Variants in RAB40B observed in about 807,000 individuals in gnomAD.
RAB40B encodes the protein RAB40B, member RAS oncogene family.
A neutral mutation model predicts 24.0 loss-of-function variants in RAB40B; 21 were observed. That is an observed-to-expected ratio of 0.88 (90% CI 0.62 to 1.26). RAB40B has a LOEUF of 1.26. RAB40B is among the 50% of genes most tolerant of loss of function. The pLI is 0.00. For synonymous variants in RAB40B, 167 were observed against 169.8 expected (o/e 0.98, Z 0.13); for missense variants, 348 against 390.5 (o/e 0.89, Z 0.92).
At chr17:82,658,260 T>C in intron 5 of RAB40B, 126 bp from the exon 6 acceptor site, 1 of 1,332,804 alleles carries the variant, frequency 7.5e-7, no homozygotes, top group Non-Finnish European at 1.0e-6. Flanking sequence ...GGCTTGTACA[T>C]GCAGCAAGCC....
intron 3 of RAB40B, among the ~76,000 whole-genome samples, chr17:82,660,240 CAT>C (rs1240243269): frequency 6.6e-6 from 1 of 151,080 alleles, no homozygotes; most frequent in African/African-American, 2.4e-5. Flanking sequence ...ACACGCAGTT[CAT>C]GTGTGCACAT....
At chr17:82,670,334 G>A (rs1483660729) in intron 1 of RAB40B, among the ~76,000 whole-genome samples, 1 of 151,644 alleles carries the variant, frequency 6.6e-6, no homozygotes, top group Non-Finnish European at 1.5e-5. Flanking sequence ...ACAGGCACAC[G>A]CCAGCAAGCC....
intron 1 of RAB40B, among the ~76,000 whole-genome samples, chr17:82,679,163 G>A (rs550697426): frequency 3.3e-5 from 5 of 151,880 alleles, no homozygotes; most frequent in African/African-American, 1.2e-4. Flanking sequence ...GATGACAGGC[G>A]TGAACCACTG....
chr17:82,677,981 G>A (rs1188341215), intron 1 of RAB40B, among the ~76,000 whole-genome samples: 3 of 152,128 alleles, frequency 2.0e-5, no homozygotes, highest in African/African-American at 7.2e-5. Flanking sequence ...ACCCTCTAAC[G>A]CAGCCATGTC....
intron 1 of RAB40B, among the ~76,000 whole-genome samples, chr17:82,681,047 A>AG (rs2046444864): frequency 6.9e-6 from 1 of 144,456 alleles, no homozygotes; most frequent in Non-Finnish European, 1.5e-5. Context: ...AAAAAAAAAA[A>AG]AAAGAAAGAG....
At chr17:82,671,021 AGATT>A (rs1282501286) in intron 1 of RAB40B, among the ~76,000 whole-genome samples, 1 of 151,962 alleles carries the variant, frequency 6.6e-6, no homozygotes, top group Non-Finnish European at 1.5e-5. Context: ...ATGCATCTCC[AGATT>A]GATGAAGAAC....
intron 1 of RAB40B, among the ~76,000 whole-genome samples, chr17:82,683,819 AAAAAG>A (rs1157944751): frequency 1.4e-5 from 2 of 147,920 alleles, no homozygotes; most frequent in African/African-American, 2.6e-5. Flanking sequence ...AAAAAAAAAA[AAAAAG>A]AAAAGAAAAG....
chr17:82,689,789 A>C (rs1219717441), intron 1 of RAB40B, among the ~76,000 whole-genome samples: 1 of 152,094 alleles, frequency 6.6e-6, no homozygotes, highest in Non-Finnish European at 1.5e-5. Flanking sequence ...CAAGATGGTG[A>C]AACCCCGTCT....
At chr17:82,691,796 G>GC (rs2046560818) in intron 1 of RAB40B, among the ~76,000 whole-genome samples, 1 of 152,212 alleles carries the variant, frequency 6.6e-6, no homozygotes. Flanking sequence ...GCCCTGCTGT[G>GC]CCCCGACCAT....
At position 82,698,491 on chromosome 17, in the gene RAB40B, C is replaced by A; in HGVS notation, c.106G>T (p.Asp36Tyr). The A allele has an allele frequency of 6.6e-7, 1 of 1,505,920 alleles. No homozygotes were observed. Among genetic ancestry groups the A allele is most frequent in the Non-Finnish European group, 8.9e-7 (1 of 1,120,170 alleles). 93.3% of individuals were successfully genotyped at this position (1,505,920 alleles called of 1,614,324 possible). A position where few individuals can be genotyped will look rare whatever the true frequency, so the allele number is the denominator to read the frequency against. The change falls in exon 1 of 6, where the codon GAT becomes TAT. Residue 36 changes from aspartate (D) to tyrosine (Y), a missense_variant. By Grantham distance (160) the Asp-to-Tyr change is radical. Transcript: ENST00000571995. Reference sequence around the variant, plus strand: ...CCGTACGGGGACTCGGCCGCGCCATCCTGCAGGCTCGCCAGGATCTCGCCC... The same window carrying A: ...CCGTACGGGGACTCGGCCGCGCCATACTGCAGGCTCGCCAGGATCTCGCCC... ...GKGEILASLQ[D>Y]GAAESPYGHP...
At chr17:82,693,037 C>T (rs954074076) in intron 1 of RAB40B, among the ~76,000 whole-genome samples, 3 of 151,760 alleles carry the variant, frequency 2.0e-5, no homozygotes, top group South Asian at 4.2e-4. Context: ...GAGTCCCACT[C>T]TGTTGCCCAG....
intron 1 of RAB40B, among the ~76,000 whole-genome samples, chr17:82,679,050 T>G (rs1417677692): frequency 6.7e-6 from 1 of 148,454 alleles, no homozygotes; most frequent in East Asian, 2.0e-4. Flanking sequence ...GCCTGGCTAA[T>G]TTTTTTGTAT....
In RAB40B at chr17:82,694,252, G is replaced by A. The variant is rs182948753; in HGVS notation, c.142+4203C>T. Among the ~76,000 whole-genome samples, 73 of 150,774 alleles carry A rather than the reference G, an allele frequency of 4.8e-4. 3 individuals are homozygous for A. The East Asian group carries it at 5.9e-3, about 12-fold the overall frequency. ...TAAGATAATCAGAAAAATTCAGGCC[G>A]CGCACTGTGGCTCACACCTGTAATC... On this transcript the variant is annotated intron_variant, in intron 1 of 5. Coordinates refer to ENST00000571995, the MANE Select transcript of RAB40B (RefSeq NM_006822.3).
rs535227192 is a variant in RAB40B, at chr17:82,658,729, A to G, written c.343-16T>C. On this transcript the variant is annotated splice_polypyrimidine_tract_variant and intron_variant, in intron 4 of 5. Transcript: ENST00000571995. ...CGGGGGCATGCTAGCGGGCAGGAGA[A>G]AGGCGAGGAGCATGGGTTACTTCAG... is the stretch of plus-strand genomic sequence containing the variant. The G allele has an allele frequency of 1.2e-6, 2 of 1,600,730 alleles. No homozygotes were observed. Among genetic ancestry groups the G allele is most frequent in the East Asian group, 2.2e-5 (1 of 44,646 alleles).
At chr17:82,666,911 G>T (rs529314774) in intron 1 of RAB40B, among the ~76,000 whole-genome samples, 3 of 152,320 alleles carry the variant, frequency 2.0e-5, no homozygotes, top group African/African-American at 7.2e-5. Context: ...CTCACTCTCG[G>T]CTGTGATCGG....
At chr17:82,662,143 G>A (rs1370863797) in intron 2 of RAB40B, 26 of 985,314 alleles carry the variant, frequency 2.6e-5, no homozygotes, top group Admixed American at 1.8e-4. Flanking sequence ...ACCTGTGGTC[G>A]GTGACCACCC....
At chr17:82,659,703 C>T (rs187707730) in intron 3 of RAB40B, 46 bp from the exon 4 acceptor site, 1 of 1,487,400 alleles carries the variant, frequency 6.7e-7, no homozygotes, top group East Asian at 2.3e-5. Flanking sequence ...CAGATGCAGG[C>T]ACAGCTGTGG....
At chr17:82,696,628 G>T (rs1165435393) in intron 1 of RAB40B, 1 of 104,798 alleles carries the variant, frequency 9.5e-6, no homozygotes, top group Non-Finnish European at 1.9e-5. Context: ...TCCTCCAGGC[G>T]CTCAATCTCC....
intron 1 of RAB40B, among the ~76,000 whole-genome samples, chr17:82,668,826 TC>T (rs1179037713): frequency 1.3e-5 from 2 of 152,166 alleles, no homozygotes; most frequent in Non-Finnish European, 2.9e-5. Context: ...TGCTGCCTGA[TC>T]CGTGGATCGA....
Sources: allele counts gnomAD v4.1 joint callset (sites outside exome capture counted in the v4.1 genomes callset), GRCh38; gene constraint gnomAD v4.1.1; transcripts MANE v1.5; gene names NCBI Gene and HGNC (gene_info 2026-07-23, HGNC 2026-07-21).